MRPL46: variants seen among roughly 807,000 people sequenced by gnomAD.
MRPL46 encodes the protein mitochondrial ribosomal protein L46, also known as large ribosomal subunit protein mL46.
MRPL46 carries 26 observed loss-of-function variants against 31.0 expected under a neutral mutation model. The ratio of observed to expected loss-of-function variants is 0.84; its 90% CI spans 0.61 to 1.16. MRPL46 has a LOEUF of 1.16. MRPL46 is among the 50% of genes most tolerant of loss of function. MRPL46 has a pLI of 0.00. For missense variants in MRPL46, 395 were observed against 340.0 expected, an observed-to-expected ratio of 1.16 and a Z score of -1.27; for synonymous variants, 159 against 141.3, an observed-to-expected ratio of 1.13 and a Z score of -0.89.
chr15:88,464,429 C>A, intron 3 of MRPL46: 1 of 382,342 alleles, frequency 2.6e-6, no homozygotes, highest in South Asian at 2.7e-5. Flanking sequence ...AGAAGACAAG[C>A]AGGCTGAGAA....
chr15:88,464,602 T>TG, intron 3 of MRPL46, 101 bp downstream of exon 3: 5 of 1,116,574 alleles, frequency 4.5e-6, no homozygotes, highest in South Asian at 1.6e-5. Context: ...CCATTAACCT[T>TG]CCCACCCCCA....
intron 3 of MRPL46, chr15:88,460,638 T>C (rs2055470502): frequency 6.6e-6 from 1 of 152,214 alleles, no homozygotes; most frequent in Non-Finnish European, 1.5e-5. Context: ...TGATACCATA[T>C]AGATCAAAGA....
Position 88,465,678 on chromosome 15 carries a change from T to C in MRPL46, c.324A>G (p.Glu108=), listed in dbSNP as rs2055519136. The part of the protein sequence containing the change: ...LAKKKADLHD[E]EDEQDILLAQ... ...CCAGCAATATATCCTGTTCATCTTC[T>C]TCATCATGAAGGTCAGCTTTCTTCT... is the stretch of plus-strand genomic sequence containing the variant. The change falls in exon 2 of 4, where the codon GAA becomes GAG. Residue 108 remains glutamate, a synonymous_variant. Coordinates refer to ENST00000312475, the MANE Select transcript of MRPL46 (RefSeq NM_022163.4). 6.2e-7 allele frequency: 1 copy of C among 1,614,014 alleles called. No individual in the cohort carries two copies. Among genetic ancestry groups the C allele is most frequent in the Admixed American group, 1.7e-5 (1 of 59,984 alleles).
Position 88,464,920 on chromosome 15 carries a change from C to G in MRPL46, c.416-44G>C, listed in dbSNP as rs1021839129. ...GAGGAGGTAAGAAGACTGTGATCTG[C>G]CAGAACCAAGAAACCTGGAGTTTTA... is the stretch of plus-strand genomic sequence containing the variant. On this transcript the variant is annotated intron_variant, in intron 2 of 3. Coordinates refer to ENST00000312475, the MANE Select transcript of MRPL46 (RefSeq NM_022163.4). 4 of 1,570,290 alleles carry G rather than the reference C, an allele frequency of 2.5e-6. No homozygotes were observed. In the African/African-American group the frequency reaches 4.1e-5, roughly 16 times the overall value.
Position 88,467,214 on chromosome 15 carries a change from C to G in MRPL46, c.164G>C (p.Arg55Pro). 6.2e-7 allele frequency: 1 copy of G among 1,614,120 alleles called. No individual in the cohort carries two copies. The highest frequency in any genetic ancestry group is 1.7e-5 in the Admixed American group (1 of 60,030). Residue 55 changes from arginine (R) to proline (P), a missense_variant, in exon 1 of 4, where the codon CGG becomes CCG. Arg to Pro is a moderately radical substitution (Grantham distance 103). Coordinates refer to ENST00000312475, the MANE Select transcript of MRPL46 (RefSeq NM_022163.4). ...WRLLGALCLQ[R>P]PPVVSKPLTP... is the part of the protein sequence containing the mutation. Reference sequence around the variant, plus strand: ...CAACGGCTTGGAGACTACAGGTGGCCGCTGCAGGCACAACGCGCCCAACAA... The same window carrying G: ...CAACGGCTTGGAGACTACAGGTGGCGGCTGCAGGCACAACGCGCCCAACAA...
intron 2 of MRPL46, 77 bp downstream of exon 2, chr15:88,465,506 AGGGG>A: frequency 7.3e-7 from 1 of 1,364,922 alleles, no homozygotes; most frequent in Middle Eastern, 1.9e-4. Flanking sequence ...AACACAAAGC[AGGGG>A]CCAAGCAACT....
In MRPL46 at chr15:88,459,791, A is replaced by G; in HGVS notation, c.662T>C (p.Met221Thr). 3 of 1,614,212 alleles carry G rather than the reference A, an allele frequency of 1.9e-6. No individual in the cohort carries two copies. The highest frequency in any genetic ancestry group is 1.7e-5 in the Admixed American group (1 of 60,020). Reference sequence around the variant, plus strand: ...GGCTCCGAGGTTACTCTCTGTCCGCATTGCCTGGGGGAACTTGAATGTGTA... The same window carrying G: ...GGCTCCGAGGTTACTCTCTGTCCGCGTTGCCTGGGGGAACTTGAATGTGTA... ...GHYTFKFPQA[M>T]RTESNLGAKV... Residue 221 changes from methionine (M) to threonine (T), a missense_variant, in exon 4 of 4, where the codon ATG becomes ACG. Transcript: ENST00000312475.
intron 3 of MRPL46, chr15:88,460,973 T>C (rs1038801032): frequency 6.6e-6 from 1 of 152,210 alleles, no homozygotes; most frequent in Non-Finnish European, 1.5e-5. Context: ...ACTTGTGGCC[T>C]CAAGTGATCC....
rs1396341348 is a variant in MRPL46 at position 88,465,667 on chromosome 15, T to C, written c.335A>G (p.Gln112Arg). Residue 112 changes from glutamine (Q) to arginine (R), a missense_variant, in exon 2 of 4, where the codon CAG (glutamine) becomes CGG (arginine). Physicochemically the swap from Gln to Arg is conservative, Grantham distance 43 (BLOSUM62 1). Transcript: ENST00000312475. ...CAAATCTTGCGCCAGCAATATATCC[T>C]GTTCATCTTCTTCATCATGAAGGTC... ...KADLHDEEDE[Q>R]DILLAQDLED... The C allele has an allele frequency of 4.3e-6, 7 of 1,613,640 alleles. No homozygotes were observed. Among genetic ancestry groups the C allele is most frequent in the Middle Eastern group, 1.6e-4 (1 of 6,084 alleles).
In MRPL46 at chr15:88,464,738, C is replaced by T; in HGVS notation, c.554G>A (p.Arg185Gln). The T allele has an allele frequency of 6.2e-7, 1 of 1,613,900 alleles. No homozygotes were observed. The highest frequency in any genetic ancestry group is 8.5e-7 in the Non-Finnish European group (1 of 1,179,976). ...GGCCAGGGTTCGTTCAGCTGTTCCT[C>T]GAAGGGTCTCCCCAGGCTGCCACTC... ...QAEWQPGETL[R>Q]GTAERTLATL... The change falls in exon 3 of 4, where the codon CGA becomes CAA. Residue 185 changes from arginine (R) to glutamine (Q), a missense_variant. Transcript: ENST00000312475.
Position 88,465,593 on chromosome 15 carries a change from T to C in MRPL46, c.409A>G (p.Ile137Val), listed in dbSNP as rs767211335. ...KFLQFKLGAR[I>V]TEADEKNDRT... Reference sequence around the variant, plus strand: ...GGCCTAAAAGGATCACAACCTGTTATGCGAGCTCCAAGTTTGAACTGTAGA... The same window carrying C: ...GGCCTAAAAGGATCACAACCTGTTACGCGAGCTCCAAGTTTGAACTGTAGA... Residue 137 changes from isoleucine (I) to valine (V), a missense_variant, in exon 2 of 4, where the codon ATA (isoleucine) becomes GTA (valine). Ile to Val is a conservative substitution (Grantham distance 29). Coordinates refer to ENST00000312475, the MANE Select transcript of MRPL46 (RefSeq NM_022163.4). 11 of 1,603,586 alleles carry C rather than the reference T, an allele frequency of 6.9e-6. No individual in the cohort carries two copies. Among genetic ancestry groups the C allele is most frequent in the East Asian group, 4.5e-5 (2 of 44,570 alleles).
At chr15:88,461,140 A>T (rs183641457) in intron 3 of MRPL46, 9 of 152,368 alleles carry the variant, frequency 5.9e-5, no homozygotes, top group Admixed American at 1.3e-4. Context: ...TAAGCCCAAA[A>T]AACAAAAGAT....
At chr15:88,460,634 C>T (rs2055470402) in intron 3 of MRPL46, 1 of 152,140 alleles carries the variant, frequency 6.6e-6, no homozygotes, top group Admixed American at 6.5e-5. Flanking sequence ...AAATTGATAC[C>T]ATATAGATCA....
chr15:88,467,145 C>A lies in MRPL46; in HGVS notation c.228+5G>T. 1 of 1,613,054 alleles carries A rather than the reference C, an allele frequency of 6.2e-7. No individual in the cohort carries two copies. The highest frequency in any genetic ancestry group is 8.5e-7 in the Non-Finnish European group (1 of 1,179,086). On this transcript the variant is annotated splice_donor_5th_base_variant and intron_variant, in intron 1 of 3. Transcript: ENST00000312475. Reference sequence around the variant, plus strand: ...GTCACTCTGAACCCTGCATCTCAGTCCCACCTGCTGCAGTAGAGACGCCAT... The same window carrying A: ...GTCACTCTGAACCCTGCATCTCAGTACCACCTGCTGCAGTAGAGACGCCAT...
At chr15:88,464,915 A>G (rs1408745612) in intron 2 of MRPL46, 39 bp from the exon 3 acceptor site, 2 of 1,583,846 alleles carry the variant, frequency 1.3e-6, no homozygotes, top group East Asian at 2.3e-5. Flanking sequence ...GAAGACTGTG[A>G]TCTGCCAGAA....
chr15:88,459,876 G>T lies in MRPL46; in HGVS notation c.590-13C>A. Reference sequence around the variant, plus strand: ...TCCATGTTGTTTTCTGAAGAGGGAGGAAAGAAAAATCACAATTGGAAGGTA... The same window carrying T: ...TCCATGTTGTTTTCTGAAGAGGGAGTAAAGAAAAATCACAATTGGAAGGTA... On this transcript the variant is annotated splice_polypyrimidine_tract_variant and intron_variant, in intron 3 of 3. Coordinates refer to ENST00000312475, the MANE Select transcript of MRPL46 (RefSeq NM_022163.4). 1 of 1,613,190 alleles carries T rather than the reference G, an allele frequency of 6.2e-7. No homozygotes were observed. The highest frequency in any genetic ancestry group is 8.5e-7 in the Non-Finnish European group (1 of 1,179,538).
rs1000998180 is a variant in MRPL46 at position 88,460,003 on chromosome 15, A to G, written c.590-140T>C. 21 of 1,081,326 alleles carry G rather than the reference A, an allele frequency of 1.9e-5. No individual in the cohort carries two copies. The Admixed American group carries it at 2.5e-4, about 13-fold the overall frequency. The allele number at this position is 1,081,326 out of a possible 1,614,324, so 67.0% of individuals were successfully genotyped here. A position where few individuals can be genotyped will look rare whatever the true frequency, so the allele number is the denominator to read the frequency against. ...AATCCCTAGGAATAGGACTAGAGCCATTCCTGAAAAGAGGCTCCTCCCCTC... is the reference window on the plus strand; with the variant it reads ...AATCCCTAGGAATAGGACTAGAGCCGTTCCTGAAAAGAGGCTCCTCCCCTC... On this transcript the variant is annotated intron_variant, in intron 3 of 3. Coordinates refer to ENST00000312475, the MANE Select transcript of MRPL46 (RefSeq NM_022163.4).
intron 2 of MRPL46, 71 bp downstream of exon 2, chr15:88,465,516 C>A: frequency 1.4e-6 from 2 of 1,432,378 alleles, no homozygotes; most frequent in South Asian, 1.5e-5. Context: ...AGGGGCCAAG[C>A]AACTGTCTTT....
At position 88,467,225 on chromosome 15, in the gene MRPL46, C is replaced by G; in HGVS notation, c.153G>C (p.Leu51Phe). The part of the protein sequence containing the change: ...NGSPWRLLGA[L>F]CLQRPPVVSK... ...AGACTACAGGTGGCCGCTGCAGGCA[C>G]AACGCGCCCAACAAGCGCCATGGGG... The change falls in exon 1 of 4, where the codon TTG becomes TTC. Residue 51 changes from leucine to phenylalanine, a missense_variant. By Grantham distance (22) the Leu-to-Phe change is conservative. Transcript: ENST00000312475. 6.2e-7 allele frequency: 1 copy of G among 1,614,168 alleles called. No individual in the cohort carries two copies. The highest frequency in any genetic ancestry group is 1.1e-5 in the South Asian group (1 of 91,086).
Sources: allele counts gnomAD v4.1 joint callset, GRCh38; gene constraint gnomAD v4.1.1; transcripts MANE v1.5; gene names NCBI Gene and HGNC (gene_info 2026-07-23, HGNC 2026-07-21).